ERBB4: variants seen among roughly 807,000 people sequenced by gnomAD.
ERBB4 encodes receptor tyrosine-protein kinase erbB-4.
In ERBB4, 42 loss-of-function variants were observed where a neutral mutation model predicts 158.0. That is an observed-to-expected ratio of 0.27 (90% confidence interval 0.21 to 0.34). The LOEUF is 0.34. Ranked by LOEUF, ERBB4 falls within the 10% of genes least tolerant of loss-of-function variation. ERBB4 has a pLI of 1.00. For synonymous variants in ERBB4, 583 were observed against 558.7 expected (o/e 1.04, Z -0.61); for missense variants, 1,333 against 1,624.1 (o/e 0.82, Z 3.08).
At chr2:211,906,464 G>A (rs941336628) in intron 3 of ERBB4, among the ~76,000 whole-genome samples, 12 of 152,046 alleles carry the variant, frequency 7.9e-5, no homozygotes, top group South Asian at 6.2e-4. Flanking sequence ...TAATATTATA[G>A]ATAGTTATGG....
intron 19 of ERBB4, among the ~76,000 whole-genome samples, chr2:211,604,957 A>G (rs2068931026): frequency 6.6e-6 from 1 of 152,188 alleles, no homozygotes; most frequent in Admixed American, 6.5e-5. Flanking sequence ...AAATAATAGG[A>G]AGTTCTTAAA....
intron 2 of ERBB4, among the ~76,000 whole-genome samples, chr2:212,018,150 T>C (rs1444879619): frequency 2.6e-5 from 4 of 152,156 alleles, no homozygotes; most frequent in African/African-American, 9.7e-5. Flanking sequence ...TAACAAATCC[T>C]ACCAGATGTT....
At chr2:212,285,795 C>G (rs2085938663) in intron 1 of ERBB4, among the ~76,000 whole-genome samples, 2 of 152,100 alleles carry the variant, frequency 1.3e-5, no homozygotes, top group Admixed American at 6.6e-5. Context: ...CAATATACAG[C>G]TTGGTATTCG....
chr2:212,155,752 C>A lies in ERBB4; in HGVS notation c.83-30849G>T, dbSNP rs147124684. On this transcript the variant is annotated intron_variant, in intron 1 of 27. Transcript: ENST00000342788. ...GACAAATCAGAGTAGTTTTAGATAT[C>A]TGTGTGTCATCAATAAATAATCACA... 2.6e-5 allele frequency among the ~76,000 whole-genome samples: 4 copies of A among 152,142 alleles called. No individual in the cohort carries two copies. In the East Asian group the frequency reaches 7.7e-4, roughly 29 times the overall value.
chr2:211,682,255 C>T (rs2072377257), intron 12 of ERBB4, among the ~76,000 whole-genome samples: 1 of 152,068 alleles, frequency 6.6e-6, no homozygotes. Context: ...GCCTAAGAAC[C>T]AGAAGCATCA....
chr2:212,034,832 A>G (rs1347185920), intron 2 of ERBB4, among the ~76,000 whole-genome samples: 1 of 152,142 alleles, frequency 6.6e-6, no homozygotes, highest in Non-Finnish European at 1.5e-5. Flanking sequence ...TATAAGAAAT[A>G]TATGTGAGAC....
chr2:212,398,381 TAAGAA>T (rs2091092562), intron 1 of ERBB4, among the ~76,000 whole-genome samples: 1 of 152,184 alleles, frequency 6.6e-6, no homozygotes, highest in East Asian at 1.9e-4. Flanking sequence ...ATATCCAACA[TAAGAA>T]AAGCTGATGT....
At chr2:212,277,576 C>G (rs1157767112) in intron 1 of ERBB4, among the ~76,000 whole-genome samples, 2 of 151,720 alleles carry the variant, frequency 1.3e-5, no homozygotes, top group African/African-American at 4.8e-5. Flanking sequence ...TCCTGTTCTT[C>G]AGGTCTCAGC....
chr2:211,605,544 A>G (rs1428970429), intron 19 of ERBB4, among the ~76,000 whole-genome samples: 1 of 152,122 alleles, frequency 6.6e-6, no homozygotes, highest in Admixed American at 6.6e-5. Context: ...GCTTACAGAC[A>G]TTGAAACTGA....
intron 2 of ERBB4, among the ~76,000 whole-genome samples, chr2:212,112,119 G>T (rs1179251553): frequency 6.6e-6 from 1 of 152,008 alleles, no homozygotes; most frequent in Non-Finnish European, 1.5e-5. Flanking sequence ...CAAACTCCTG[G>T]GCTCAAATGA....
chr2:211,847,589 A>G (rs1377251635), intron 3 of ERBB4, among the ~76,000 whole-genome samples: 1 of 152,104 alleles, frequency 6.6e-6, no homozygotes, highest in Non-Finnish European at 1.5e-5. Context: ...ACAGCTTTGA[A>G]TGTGGCCCAA....
At chr2:211,952,736 T>C (rs987298168) in intron 2 of ERBB4, among the ~76,000 whole-genome samples, 2 of 152,040 alleles carry the variant, frequency 1.3e-5, no homozygotes, top group Non-Finnish European at 2.9e-5. Context: ...TACCAATATT[T>C]CTATTATAAA....
chr2:212,378,108 CACA>C (rs1465403857), intron 1 of ERBB4, among the ~76,000 whole-genome samples: 1 of 151,738 alleles, frequency 6.6e-6, no homozygotes, highest in Non-Finnish European at 1.5e-5. Flanking sequence ...ATGGTGTTGC[CACA>C]ACATTATAAT....
At chr2:211,695,944 TTTCTTTTTATTTC>T (rs1363824933) in intron 12 of ERBB4, among the ~76,000 whole-genome samples, 1 of 149,498 alleles carries the variant, frequency 6.7e-6, no homozygotes, top group African/African-American at 2.5e-5. Context: ...CTTTCTTTTC[TTTCTTTTTATTTC>T]TTCTTTCTTT....
chr2:211,773,631 T>TA (rs1553630488), intron 4 of ERBB4, among the ~76,000 whole-genome samples: 32 of 91,232 alleles, frequency 3.5e-4, no homozygotes, highest in African/African-American at 2.0e-3. Flanking sequence ...TATATATATA[T>TA]ATATATATAT....
chr2:212,114,780 CCTCTCTGAAAAT>C (rs1237984300), intron 2 of ERBB4, among the ~76,000 whole-genome samples: 4 of 152,140 alleles, frequency 2.6e-5, no homozygotes, highest in Non-Finnish European at 4.4e-5. Context: ...TGCAATTTTA[CCTCTCTGAAAAT>C]ACAAATCACC....
intron 1 of ERBB4, among the ~76,000 whole-genome samples, chr2:212,274,747 A>T (rs2085465402): frequency 6.6e-6 from 1 of 151,778 alleles, no homozygotes; most frequent in African/African-American, 2.4e-5. Context: ...ACAATATTTT[A>T]TGTATCTATG....
At chr2:211,560,002 G>A (rs1276140986) in intron 20 of ERBB4, among the ~76,000 whole-genome samples, 1 of 152,136 alleles carries the variant, frequency 6.6e-6, no homozygotes, top group Non-Finnish European at 1.5e-5. Flanking sequence ...AATGGAGGAT[G>A]CCCAAACAGG....
At chr2:211,771,104 A>G (rs1269187208) in intron 4 of ERBB4, among the ~76,000 whole-genome samples, 1 of 152,198 alleles carries the variant, frequency 6.6e-6, no homozygotes, top group Non-Finnish European at 1.5e-5. Context: ...ACCTCTTCCT[A>G]GAATCAATAG....
Sources: gnomAD v4.1 joint callset for allele counts (sites outside exome capture counted in the v4.1 genomes callset) on GRCh38, gnomAD v4.1.1 for gene constraint, MANE v1.5 for transcripts, NCBI Gene and HGNC (gene_info 2026-07-23, HGNC 2026-07-21) for gene names.